KATNAL2: variants seen among roughly 807,000 people sequenced by gnomAD.
KATNAL2 encodes katanin p60 ATPase-containing subunit A-like 2.
A neutral mutation model predicts 76.3 loss-of-function variants in KATNAL2; 52 were observed. The ratio of observed to expected loss-of-function variants is 0.68; its 90% confidence interval spans 0.55 to 0.86. KATNAL2 has a LOEUF of 0.86. KATNAL2 is among the 40% of genes least tolerant of loss of function. The probability of loss-of-function intolerance (pLI) is 0.00; values close to 1 mark genes in which losing one functional copy is unlikely to be tolerated. For missense variants in KATNAL2, 660 were observed against 668.9 expected (o/e 0.99, Z 0.15); for synonymous variants, 243 against 244.2 (o/e 1.00, Z 0.05).
intron 6 of KATNAL2, among the ~76,000 whole-genome samples, chr18:47,055,317 G>C (rs566901090): frequency 5.3e-5 from 8 of 152,180 alleles, no homozygotes; most frequent in Non-Finnish European, 1.0e-4. Context: ...TCAACAAAGT[G>C]TTTAAAGTCT....
At chr18:47,064,450 C>T (rs2061728468) in intron 10 of KATNAL2, among the ~76,000 whole-genome samples, 1 of 152,084 alleles carries the variant, frequency 6.6e-6, no homozygotes, top group Non-Finnish European at 1.5e-5. Flanking sequence ...GTGCTGTGAG[C>T]AGTACCCAGG....
intron 3 of KATNAL2, among the ~76,000 whole-genome samples, chr18:46,956,072 G>T (rs556393579): frequency 2.2e-4 from 34 of 152,244 alleles, no homozygotes; most frequent in African/African-American, 8.2e-4. Context: ...TTTTAAAATT[G>T]ATTTCAAGCT....
intron 1 of KATNAL2, among the ~76,000 whole-genome samples, chr18:46,926,003 C>G (rs552493981): frequency 3.3e-5 from 5 of 152,234 alleles, no homozygotes; most frequent in Non-Finnish European, 1.5e-5. Flanking sequence ...TCCTAGCGGT[C>G]TATCAATTTT....
chr18:46,961,847 G>A (rs541175370), intron 3 of KATNAL2, among the ~76,000 whole-genome samples: 1 of 152,286 alleles, frequency 6.6e-6, no homozygotes, highest in South Asian at 2.1e-4. Flanking sequence ...TGCCAGTTTT[G>A]TCAGTGATTA....
intron 15 of KATNAL2, among the ~76,000 whole-genome samples, chr18:47,090,701 T>C (rs546063252): frequency 1.5e-4 from 23 of 152,282 alleles, no homozygotes; most frequent in Admixed American, 5.2e-4. Context: ...TAAACATGAC[T>C]CGACTTTTGA....
chr18:47,031,369 G>T (rs1331951487), intron 3 of KATNAL2, among the ~76,000 whole-genome samples: 2 of 151,580 alleles, frequency 1.3e-5, no homozygotes, highest in Non-Finnish European at 2.9e-5. Context: ...GTCGTTGGCA[G>T]TTTCGCGTAA....
rs1473175857 is a variant in KATNAL2 at position 47,077,347 on chromosome 18, G to C, written c.1101-4G>C. ...TAGGAGAATCACGTCTTGTCTCTCT[G>C]TAGGGGAGAACATGAAGGAAGCCTG... On this transcript the variant is annotated splice_polypyrimidine_tract_variant and splice_region_variant and intron_variant, in intron 14 of 17. Coordinates refer to ENST00000683218, the MANE Select transcript of KATNAL2 (RefSeq NM_001387690.1). 3 of 1,609,978 alleles carry C rather than the reference G, an allele frequency of 1.9e-6. No homozygotes were observed. The highest frequency in any genetic ancestry group is 2.6e-6 in the Non-Finnish European group (3 of 1,176,240).
At chr18:47,100,651 A>G (rs1042284579) in intron 17 of KATNAL2, among the ~76,000 whole-genome samples, 3 of 152,116 alleles carry the variant, frequency 2.0e-5, no homozygotes, top group Non-Finnish European at 2.9e-5. Context: ...GTAACGATAC[A>G]TTTAGGTCAC....
chr18:46,949,459 C>G (rs1569006814), intron 3 of KATNAL2, among the ~76,000 whole-genome samples: 1 of 152,184 alleles, frequency 6.6e-6, no homozygotes, highest in Non-Finnish European at 1.5e-5. Context: ...GTTGCCTGGG[C>G]TGGTCTCAAA....
At chr18:47,047,127 T>C (rs2147064187) in intron 4 of KATNAL2, among the ~76,000 whole-genome samples, 1 of 152,244 alleles carries the variant, frequency 6.6e-6, no homozygotes, top group East Asian at 1.9e-4. Flanking sequence ...CACCATGTTT[T>C]CCATGCTGGT....
intron 8 of KATNAL2, among the ~76,000 whole-genome samples, chr18:47,060,662 C>T (rs1210253379): frequency 6.6e-6 from 1 of 152,146 alleles, no homozygotes; most frequent in Non-Finnish European, 1.5e-5. Flanking sequence ...GGAGTGCTGA[C>T]TTAGTTCTGG....
intron 3 of KATNAL2, among the ~76,000 whole-genome samples, chr18:46,961,911 TG>T (rs1753341353): frequency 2.0e-5 from 3 of 152,226 alleles, no homozygotes; most frequent in African/African-American, 4.8e-5. Flanking sequence ...GATGGGGGTT[TG>T]CTACTAAGAA....
intron 1 of KATNAL2, among the ~76,000 whole-genome samples, chr18:46,918,664 C>T (rs947752926): frequency 5.3e-5 from 8 of 152,146 alleles, no homozygotes; most frequent in East Asian, 1.9e-4. Flanking sequence ...TCAGGTGATC[C>T]GCCCGCCTCG....
At chr18:47,059,299 G>A (rs1442862899) in intron 7 of KATNAL2, among the ~76,000 whole-genome samples, 1 of 152,220 alleles carries the variant, frequency 6.6e-6, no homozygotes, top group Non-Finnish European at 1.5e-5. Context: ...ACTGTTTGAA[G>A]CACATTGGAA....
At chr18:47,031,292 C>T (rs910598860) in intron 3 of KATNAL2, among the ~76,000 whole-genome samples, 7 of 152,006 alleles carry the variant, frequency 4.6e-5, no homozygotes, top group Non-Finnish European at 5.9e-5. Flanking sequence ...TCCACTCTTA[C>T]CTTTCAGTCC....
At chr18:46,925,420 C>T (rs1386545651) in intron 1 of KATNAL2, among the ~76,000 whole-genome samples, 2 of 152,144 alleles carry the variant, frequency 1.3e-5, no homozygotes, top group Non-Finnish European at 2.9e-5. Flanking sequence ...CCTTGCATCC[C>T]AGGGATGAAG....
chr18:47,045,430 G>T (rs940354368), intron 3 of KATNAL2, among the ~76,000 whole-genome samples: 2 of 151,472 alleles, frequency 1.3e-5, no homozygotes, highest in Non-Finnish European at 2.9e-5. Flanking sequence ...GGTTCAAGTG[G>T]TTCTCATGCC....
Position 47,058,340 on chromosome 18 carries a change from G to A in KATNAL2, c.438G>A (p.Glu146=). The A allele has an allele frequency of 6.2e-7, 1 of 1,609,840 alleles. No individual in the cohort carries two copies. The highest frequency in any genetic ancestry group is 8.5e-7 in the Non-Finnish European group (1 of 1,176,116). ...GGGACACCAAATCGCTCAATAAGGAGCATCCTAATCAGGTCAGGATGGCTT... is the reference window on the plus strand; with the variant it reads ...GGGACACCAAATCGCTCAATAAGGAACATCCTAATCAGGTCAGGATGGCTT... ...KTGDTKSLNK[E]HPNQEVVDNT... is the part of the protein sequence containing the mutation. Residue 146 remains glutamate (E), a synonymous_variant, in exon 7 of 18, where the codon GAG becomes GAA. Transcript: ENST00000683218.
intron 4 of KATNAL2, among the ~76,000 whole-genome samples, chr18:47,051,739 G>A (rs1160116261): frequency 6.6e-6 from 1 of 152,130 alleles, no homozygotes; most frequent in Middle Eastern, 3.2e-3. Context: ...TACATTTCAA[G>A]GTCATTGAAA....
Sources: allele counts gnomAD v4.1 joint callset (sites outside exome capture counted in the v4.1 genomes callset), GRCh38; gene constraint gnomAD v4.1.1; transcripts MANE v1.5; gene names NCBI Gene and HGNC (gene_info 2026-07-23, HGNC 2026-07-21).